The following RAF1 variants were observed in gnomAD, a reference collection of about 807,000 sequenced individuals.
RAF1 encodes Raf-1 proto-oncogene, serine/threonine kinase, also known as RAF proto-oncogene serine/threonine-protein kinase.
Under a neutral mutation model 81.1 loss-of-function variants are expected in RAF1, and 27 were observed. The observed-to-expected ratio is 0.33, with a 90% CI of 0.25 to 0.46. The LOEUF (loss-of-function observed/expected upper bound fraction) is 0.46, where lower values mean the gene tolerates loss of function less well. Among genes scored for constraint, RAF1 ranks in the 20% least tolerant of loss-of-function variants. RAF1 has a pLI of 1.00. For missense variants in RAF1, 598 were observed against 826.0 expected (o/e 0.72, Z 3.38); for synonymous variants, 298 against 294.0 (o/e 1.01, Z -0.14).
chr3:12,598,752 AAC>A (rs1491170782), intron 11 of RAF1, among the ~76,000 whole-genome samples: 18 of 143,084 alleles, frequency 1.3e-4, no homozygotes, highest in Middle Eastern at 3.7e-3. Flanking sequence ...AAAAAAAAAA[AAC>A]CACCAAGTAC....
At position 12,609,339 on chromosome 3, in the gene RAF1, G is replaced by C. The variant is rs1455608046; in HGVS notation, c.321-4C>G. Reference sequence around the variant, plus strand: ...CCAATCTAAGCGTGCTTTTTTACTAGAAAGGATTTAAAAAAAACATGAAAT... The same window carrying C: ...CCAATCTAAGCGTGCTTTTTTACTACAAAGGATTTAAAAAAAACATGAAAT... On this transcript the variant is annotated splice_polypyrimidine_tract_variant and splice_region_variant and intron_variant, in intron 3 of 17. Coordinates refer to ENST00000442415, the MANE Select transcript of RAF1 (RefSeq NM_001354689.3). 5 of 1,591,158 alleles carry C rather than the reference G, an allele frequency of 3.1e-6. No individual in the cohort carries two copies. The Admixed American group carries it at 6.7e-5, about 21-fold the overall frequency.
intron 10 of RAF1, 100 bp downstream of exon 9, chr3:12,600,052 A>G (rs2058810325): frequency 6.5e-7 from 1 of 1,543,684 alleles, no homozygotes; most frequent in Non-Finnish European, 8.9e-7. Context: ...AATGTATTTT[A>G]TTAGAATCTT....
At position 12,630,386 on chromosome 3, in the gene RAF1, G is replaced by A. The variant is rs5746184; in HGVS notation, c.-26-11639C>T. Among the ~76,000 whole-genome samples the A allele has an allele frequency of 1.8e-3, 268 of 152,252 alleles. 3 individuals carry two copies. Among genetic ancestry groups the A allele is most frequent in the South Asian group, 1.0e-2 (48 of 4,822 alleles). Reference sequence around the variant, plus strand: ...TTCAAGATGCTTGGGCTACCTCAGGGAACAAAACACAAGGATCCATGATCA... The same window carrying A: ...TTCAAGATGCTTGGGCTACCTCAGGAAACAAAACACAAGGATCCATGATCA... On this transcript the variant is annotated intron_variant, in intron 1 of 17. Transcript: ENST00000442415.
chr3:12,646,670 C>G (rs2060358198), intron 1 of RAF1, among the ~76,000 whole-genome samples: 1 of 151,964 alleles, frequency 6.6e-6, no homozygotes, highest in Non-Finnish European at 1.5e-5. Context: ...CCTGCCTCAG[C>G]CTCCCGAGTA....
In RAF1 at chr3:12,599,735, A is replaced by G. The variant is rs2125377744; in HGVS notation, c.1124T>C (p.Ile375Thr). The change falls in exon 11 of 18, where the codon ATT (isoleucine) becomes ACT (threonine). Residue 375 changes from isoleucine (I) to threonine (T), a missense_variant. Transcript: ENST00000442415. ...AACAGTTCCAAAAGAGCCTGACCCA[A>G]TCCGAGTGGACAGCATCACTTCACT... 3 of 1,614,126 alleles carry G rather than the reference A, an allele frequency of 1.9e-6. No homozygotes were observed. The highest frequency in any genetic ancestry group is 2.5e-6 in the Non-Finnish European group (3 of 1,180,014).
At chr3:12,653,992 C>CT (rs57322131) in intron 1 of RAF1, among the ~76,000 whole-genome samples, 1,425 of 141,588 alleles carry the variant, frequency 0.01, 17 homozygotes, top group South Asian at 0.039. Flanking sequence ...TTTTCTTTTT[C>CT]TTTTTTTTTT....
chr3:12,638,847 C>G (rs953325941), intron 1 of RAF1, among the ~76,000 whole-genome samples: 1 of 152,058 alleles, frequency 6.6e-6, no homozygotes, highest in Non-Finnish European at 1.5e-5. Flanking sequence ...ACCAACCTGG[C>G]CAACACGGCC....
At chr3:12,589,790 TG>T (rs1001468244) in intron 13 of RAF1, 1 of 136,284 alleles carries the variant, frequency 7.3e-6, no homozygotes, top group Admixed American at 7.4e-5. Context: ...GTGGTTTTTT[TG>T]GGTTTTTTTT....
chr3:12,617,892 AG>A (rs199498725), intron 2 of RAF1, among the ~76,000 whole-genome samples: 25,050 of 137,142 alleles, frequency 0.18, 2,896 homozygotes, highest in African/African-American at 0.25. Context: ...AAAAAAAAAA[AG>A]AAAAGAAAAA....
chr3:12,609,328 CTTT>C lies in RAF1; in HGVS notation c.325_327del (p.Lys109del), dbSNP rs1418886913. 8 of 1,608,518 alleles carry C rather than the reference CTTT, an allele frequency of 5.0e-6. No homozygotes were observed. The Admixed American group carries it at 5.0e-5, about 10-fold the overall frequency. Reference sequence around the variant, plus strand: ...GCATCAGTATTCCAATCTAAGCGTGCTTTTTTACTAGAAAGGATTTAAAAAAAA... The same window carrying C: ...GCATCAGTATTCCAATCTAAGCGTGCTTTACTAGAAAGGATTTAAAAAAAA... On this transcript the variant is annotated inframe_deletion, in exon 4 of 18. Transcript: ENST00000442415.
rs73019139 is a variant in RAF1, at chr3:12,586,055, T to G, written c.1478-256A>C. On this transcript the variant is annotated intron_variant, in intron 14 of 17. Coordinates refer to ENST00000442415, the MANE Select transcript of RAF1 (RefSeq NM_001354689.3). ...AGCAAGCCAGCGTTTCTTCCCTGCT[T>G]CTTCTCCCCATTTGCACATCTAGGT... 1.7e-3 allele frequency: 833 copies of G among 481,596 alleles called. 1 individual carries two copies. Among genetic ancestry groups the G allele is most frequent in the Non-Finnish European group, 2.5e-3 (647 of 262,762 alleles). The allele number at this position is 481,596 out of a possible 1,614,324, so 29.8% of individuals were successfully genotyped here.
At chr3:12,629,878 G>T (rs952618157) in intron 1 of RAF1, among the ~76,000 whole-genome samples, 1 of 152,158 alleles carries the variant, frequency 6.6e-6, no homozygotes, top group Admixed American at 6.6e-5. Flanking sequence ...CTTGAGCCAC[G>T]TTCAAGCAAT....
At chr3:12,595,125 C>T (rs144169817) in intron 11 of RAF1, among the ~76,000 whole-genome samples, 1 of 152,160 alleles carries the variant, frequency 6.6e-6, no homozygotes, top group African/African-American at 2.4e-5. Context: ...TGGAGTGCAG[C>T]AGCACCATCA....
chr3:12,641,967 G>A (rs1299315283), intron 1 of RAF1, among the ~76,000 whole-genome samples: 1 of 149,456 alleles, frequency 6.7e-6, no homozygotes, highest in Admixed American at 6.7e-5. Context: ...CCAACATGGT[G>A]AAACCCTGTC....
chr3:12,610,572 G>T (rs1016881241), intron 3 of RAF1, among the ~76,000 whole-genome samples: 26 of 152,178 alleles, frequency 1.7e-4, no homozygotes, highest in African/African-American at 6.0e-4. Flanking sequence ...GACCCAACCT[G>T]GGCTACCTTC....
chr3:12,591,830 T>C (rs1019882842), intron 11 of RAF1, 38 bp from the exon 11 acceptor site: 1 of 1,428,520 alleles, frequency 7.0e-7, no homozygotes, highest in African/African-American at 1.4e-5. Context: ...ATCAGTTGAA[T>C]GATCTCAGTC....
chr3:12,584,006 C>A lies in RAF1; in HGVS notation c.*508G>T. The A allele has an allele frequency of 4.0e-6, 1 of 251,390 alleles. No homozygotes were observed. Among genetic ancestry groups the A allele is most frequent in the Non-Finnish European group, 7.9e-6 (1 of 127,322 alleles). The allele number at this position is 251,390 out of a possible 1,614,324, so 15.6% of individuals were successfully genotyped here. On this transcript the variant is annotated 3_prime_UTR_variant, in exon 18 of 18. Transcript: ENST00000442415. Reference sequence around the variant, plus strand: ...TAGTACCAAAGCAGGCTCCTTCGGGCGGCCAGAGTCTCGGCAGTCCTGGGC... The same window carrying A: ...TAGTACCAAAGCAGGCTCCTTCGGGAGGCCAGAGTCTCGGCAGTCCTGGGC...
At chr3:12,592,106 T>C (rs1009734267) in intron 11 of RAF1, 18 of 403,598 alleles carry the variant, frequency 4.5e-5, no homozygotes, top group African/African-American at 3.7e-4. Context: ...ATAGGTTAAC[T>C]GCTATCGCTA....
chr3:12,629,876 A>G (rs1252705858), intron 1 of RAF1, among the ~76,000 whole-genome samples: 1 of 152,162 alleles, frequency 6.6e-6, no homozygotes, highest in Non-Finnish European at 1.5e-5. Flanking sequence ...GCCTTGAGCC[A>G]CGTTCAAGCA....
Sources: allele counts gnomAD v4.1 joint callset (sites outside exome capture counted in the v4.1 genomes callset), GRCh38; gene constraint gnomAD v4.1.1; transcripts MANE v1.5; gene names NCBI Gene and HGNC (gene_info 2026-07-23, HGNC 2026-07-21).